SEMG2: variants seen among roughly 807,000 people sequenced by gnomAD.
The protein encoded by SEMG2 is semenogelin 2.
SEMG2 carries 3 observed loss-of-function variants against 8.1 expected under a neutral mutation model. The ratio of observed to expected loss-of-function variants is 0.37; its 90% CI spans 0.17 to 0.96. The LOEUF is 0.96. Ranked by LOEUF, SEMG2 falls within the 40% of genes least tolerant of loss-of-function variation. The probability of loss-of-function intolerance (pLI) is 0.41; values close to 1 mark genes in which losing one functional copy is unlikely to be tolerated. For synonymous variants in SEMG2, 252 were observed against 231.4 expected, an observed-to-expected ratio of 1.09 and a Z score of -0.81; for missense variants, 726 against 671.2, an observed-to-expected ratio of 1.08 and a Z score of -0.90.
At position 45,221,996 on chromosome 20, in the gene SEMG2, C is replaced by T; in HGVS notation, c.364C>T (p.His122Tyr). The T allele has an allele frequency of 3.1e-6, 5 of 1,614,068 alleles. No homozygotes were observed. The highest frequency in any genetic ancestry group is 4.2e-6 in the Non-Finnish European group (5 of 1,179,994). ...EGRDHDKSKG[H>Y]FHMIVIHHKG... ...CAGAGACCATGATAAATCAAAAGGT[C>T]ATTTTCACATGATAGTTATACATCA... Residue 122 changes from histidine (H) to tyrosine (Y), a missense_variant, in exon 2 of 3, where the codon CAT (histidine) becomes TAT (tyrosine). Transcript: ENST00000372769.
Position 45,221,451 on chromosome 20 carries a change from T to C in SEMG2, c.62T>C (p.Val21Ala). ...LLLILEKQAA[V>A]MGQKGGSKGQ... ...CTTATCTTGGAGAAGCAAGCAGCTG[T>C]GATGGGACAAAAAGGTGAGTGGAGA... is the stretch of plus-strand genomic sequence containing the variant. Residue 21 changes from valine to alanine, a missense_variant, in exon 1 of 3, where the codon GTG (valine) becomes GCG (alanine). By Grantham distance (64) the Val-to-Ala change is moderately conservative. Coordinates refer to ENST00000372769, the MANE Select transcript of SEMG2 (RefSeq NM_003008.3). The C allele has an allele frequency of 1.9e-6, 3 of 1,614,114 alleles. No individual in the cohort carries two copies. Among genetic ancestry groups the C allele is most frequent in the Non-Finnish European group, 2.5e-6 (3 of 1,179,990 alleles).
rs1984069723 is a variant in SEMG2 at position 45,223,278 on chromosome 20, A to G, written c.1646A>G (p.Glu549Gly). ...SHEQKGRYKQESSESHNIVIT... is the reference protein window; with the variant it reads ...SHEQKGRYKQGSSESHNIVIT... ...GAACAAAAAGGCAGATACAAACAGG[A>G]ATCCAGTGAGTCACATAATATTGTA... Residue 549 changes from glutamate (E) to glycine (G), a missense_variant, in exon 2 of 3, where the codon GAA becomes GGA. Glu to Gly is a moderately conservative substitution (Grantham distance 98). Coordinates refer to ENST00000372769, the MANE Select transcript of SEMG2 (RefSeq NM_003008.3). 4 of 1,614,056 alleles carry G rather than the reference A, an allele frequency of 2.5e-6. No individual in the cohort carries two copies. The South Asian group carries it at 4.4e-5, about 18-fold the overall frequency.
rs1480180773 is a variant in SEMG2, at chr20:45,222,418, A to G, written c.786A>G (p.Val262=). 7 of 1,614,014 alleles carry G rather than the reference A, an allele frequency of 4.3e-6. No individual in the cohort carries two copies. Among genetic ancestry groups the G allele is most frequent in the African/African-American group, 1.3e-5 (1 of 74,938 alleles). The change falls in exon 2 of 3, where the codon GTA becomes GTG. Residue 262 remains valine (V), a synonymous_variant. Transcript: ENST00000372769. Reference sequence around the variant, plus strand: ...TTACTACCCAAGATGAGCTCCTAGTATATAACAAGAATCAACACCAGACAA... The same window carrying G: ...TTACTACCCAAGATGAGCTCCTAGTGTATAACAAGAATCAACACCAGACAA... ...DIFTTQDELL[V]YNKNQHQTKN...
rs367805884 is a variant in SEMG2 at position 45,223,230 on chromosome 20, G to A, written c.1598G>A (p.Ser533Asn). ...AKGKSGQSAD[S>N]KQDLLSHEQK... The stretch of plus-strand genomic sequence containing the variant: ...GGAAAGTCTGGTCAATCTGCAGATA[G>A]CAAACAAGACCTACTCAGTCATGAA... The change falls in exon 2 of 3, where the codon AGC becomes AAC. Residue 533 changes from serine (S) to asparagine (N), a missense_variant. By Grantham distance (46) the Ser-to-Asn change is conservative. Transcript: ENST00000372769. The A allele has an allele frequency of 5.6e-6, 9 of 1,614,024 alleles. No homozygotes were observed. The Admixed American group carries it at 6.7e-5, about 12-fold the overall frequency.
chr20:45,223,416 C>G lies in SEMG2; in HGVS notation c.*35C>G. 2.0e-6 allele frequency: 3 copies of G among 1,480,152 alleles called. No homozygotes were observed. Among genetic ancestry groups the G allele is most frequent in the Non-Finnish European group, 2.8e-6 (3 of 1,077,546 alleles). 91.7% of individuals were successfully genotyped at this position (1,480,152 alleles called of 1,614,324 possible). A position where few individuals can be genotyped will look rare whatever the true frequency, so the allele number is the denominator to read the frequency against. ...TTAGCAACCACTTGAAAAGCTGGAC[C>G]AATAGCAAGGTAAGTTTGCTTTTCT... is the stretch of plus-strand genomic sequence containing the variant. On this transcript the variant is annotated 3_prime_UTR_variant, in exon 2 of 3. Transcript: ENST00000372769.
In SEMG2 at chr20:45,222,568, C is replaced by A. The variant is rs1432150164; in HGVS notation, c.936C>A (p.Gly312=). The change falls in exon 2 of 3, where the codon GGC becomes GGA. Residue 312 remains glycine, a synonymous_variant. Coordinates refer to ENST00000372769, the MANE Select transcript of SEMG2 (RefSeq NM_003008.3). Reference sequence around the variant, plus strand: ...GTGTACAGAAAGATGTATCCAAAGGCAGCATTTCTATCCAAACTGAAGAGA... The same window carrying A: ...GTGTACAGAAAGATGTATCCAAAGGAAGCATTTCTATCCAAACTGAAGAGA... ...EKSVQKDVSK[G]SISIQTEEKI... 2 of 1,614,048 alleles carry A rather than the reference C, an allele frequency of 1.2e-6. No homozygotes were observed. The highest frequency in any genetic ancestry group is 1.7e-6 in the Non-Finnish European group (2 of 1,180,034).
At chr20:45,224,261 C>T (rs1057199679) in intron 2 of SEMG2, 30 bp from the exon 3 acceptor site, 1 of 152,372 alleles carries the variant, frequency 6.6e-6, no homozygotes, top group African/African-American at 2.4e-5. Flanking sequence ...CCACTATCCT[C>T]ACATATCTGG....
rs544053891 is a variant in SEMG2, at chr20:45,222,652, C to G, written c.1020C>G (p.Gly340=). ...TTCATAGTCAAGATCAAGAGCATGG[C>G]CATAAGGAAAATAAAATATCATACC... is the stretch of plus-strand genomic sequence containing the variant. ...VTIHSQDQEH[G]HKENKISYQS... Residue 340 remains glycine, a synonymous_variant, in exon 2 of 3, where the codon GGC becomes GGG. Transcript: ENST00000372769. 1.5e-5 allele frequency: 25 copies of G among 1,613,504 alleles called. No individual in the cohort carries two copies. The highest frequency in any genetic ancestry group is 2.1e-5 in the Non-Finnish European group (25 of 1,179,840).
chr20:45,224,018 G>A (rs895539767), intron 2 of SEMG2, among the ~76,000 whole-genome samples: 1 of 152,304 alleles, frequency 6.6e-6, no homozygotes. Flanking sequence ...GAGATCTCAG[G>A]TGCTAACTGG....
chr20:45,222,015 T>C lies in SEMG2; in HGVS notation c.383T>C (p.Ile128Thr), dbSNP rs779966456. ...AAAGGTCATTTTCACATGATAGTTA[T>C]ACATCATAAAGGAGGCCAAGCTCAT... ...KSKGHFHMIV[I>T]HHKGGQAHHG... The change falls in exon 2 of 3, where the codon ATA (isoleucine) becomes ACA (threonine). Residue 128 changes from isoleucine to threonine, a missense_variant. Transcript: ENST00000372769. The C allele has an allele frequency of 2.5e-6, 4 of 1,614,150 alleles. No individual in the cohort carries two copies. The highest frequency in any genetic ancestry group is 3.3e-5 in the Admixed American group (2 of 60,032).
rs772703748 is a variant in SEMG2, at chr20:45,222,254, C to T, written c.622C>T (p.Arg208Cys). The change falls in exon 2 of 3, where the codon CGT (arginine) becomes TGT (cysteine). Residue 208 changes from arginine to cysteine, a missense_variant. Transcript: ENST00000372769. Reference protein sequence around the residue: ...TEELVVNKQQRETKNSHQNKG... With the variant: ...TEELVVNKQQCETKNSHQNKG... Reference sequence around the variant, plus strand: ...AGAACTAGTAGTTAACAAACAACAACGTGAGACTAAAAATTCTCATCAAAA... The same window carrying T: ...AGAACTAGTAGTTAACAAACAACAATGTGAGACTAAAAATTCTCATCAAAA... 46 of 1,613,936 alleles carry T rather than the reference C, an allele frequency of 2.9e-5. No homozygotes were observed. The highest frequency in any genetic ancestry group is 2.1e-4 in the South Asian group (19 of 91,068).
chr20:45,222,498 C>T lies in SEMG2; in HGVS notation c.866C>T (p.Pro289Leu), dbSNP rs745558621. 45 of 1,613,356 alleles carry T rather than the reference C, an allele frequency of 2.8e-5. No individual in the cohort carries two copies. The highest frequency in any genetic ancestry group is 3.5e-5 in the Non-Finnish European group (41 of 1,179,832). The change falls in exon 2 of 3, where the codon CCG becomes CTG. Residue 289 changes from proline to leucine, a missense_variant. By Grantham distance (98) the Pro-to-Leu change is moderately conservative. Coordinates refer to ENST00000372769, the MANE Select transcript of SEMG2 (RefSeq NM_003008.3). ...HGRKAHKISY[P>L]SSRTEERQLH... The stretch of plus-strand genomic sequence containing the variant: ...CGGAAGGCACATAAAATATCATACC[C>T]GTCTTCACGTACAGAAGAAAGACAA...
rs759525324 is a variant in SEMG2, at chr20:45,222,269, T to C, written c.637T>C (p.Ser213Pro). The C allele has an allele frequency of 6.2e-7, 1 of 1,613,864 alleles. No homozygotes were observed. The highest frequency in any genetic ancestry group is 2.2e-5 in the East Asian group (1 of 44,884). Reference protein sequence around the residue: ...VNKQQRETKNSHQNKGHYQNV... With the variant: ...VNKQQRETKNPHQNKGHYQNV... ...CAAACAACAACGTGAGACTAAAAAT[T>C]CTCATCAAAATAAAGGGCATTACCA... is the stretch of plus-strand genomic sequence containing the variant. The change falls in exon 2 of 3, where the codon TCT (serine) becomes CCT (proline). Residue 213 changes from serine to proline, a missense_variant. Ser to Pro is a moderately conservative substitution (Grantham distance 74). Transcript: ENST00000372769.
chr20:45,221,573 T>A (rs1282766441), intron 1 of SEMG2, 108 bp downstream of exon 1: 4 of 1,422,898 alleles, frequency 2.8e-6, no homozygotes, highest in Non-Finnish European at 3.9e-6. Flanking sequence ...TTCTCCTTGA[T>A]GAGAATTGAT....
In SEMG2 at chr20:45,223,319, G is replaced by A. The variant is rs758924051; in HGVS notation, c.1687G>A (p.Val563Ile). Residue 563 changes from valine to isoleucine, a missense_variant, in exon 2 of 3, where the codon GTT becomes ATT. Coordinates refer to ENST00000372769, the MANE Select transcript of SEMG2 (RefSeq NM_003008.3). Reference sequence around the variant, plus strand: ...TAATATTGTAATTACTGAGCATGAGGTTGCCCAAGATGATCATTTGACACA... The same window carrying A: ...TAATATTGTAATTACTGAGCATGAGATTGCCCAAGATGATCATTTGACACA... Reference protein sequence around the residue: ...SHNIVITEHEVAQDDHLTQQY... With the variant: ...SHNIVITEHEIAQDDHLTQQY... The A allele has an allele frequency of 6.2e-7, 1 of 1,614,052 alleles. No individual in the cohort carries two copies. Among genetic ancestry groups the A allele is most frequent in the Non-Finnish European group, 8.5e-7 (1 of 1,179,966 alleles).
rs1057083027 is a variant in SEMG2 at position 45,223,172 on chromosome 20, A to C, written c.1540A>C (p.Asn514His). 1 of 1,614,152 alleles carries C rather than the reference A, an allele frequency of 6.2e-7. No individual in the cohort carries two copies. Residue 514 changes from asparagine to histidine, a missense_variant, in exon 2 of 3, where the codon AAT (asparagine) becomes CAT (histidine). Physicochemically the swap from Asn to His is moderately conservative, Grantham distance 68 (BLOSUM62 1). Transcript: ENST00000372769. ...GTCTCAAATCCAGACACCAAATCCT[A>C]ATCAAGATCAATGGTCTGGCCAAAA... ...GKSQIQTPNP[N>H]QDQWSGQNAK...
Position 45,222,260 on chromosome 20 carries a change from A to T in SEMG2, c.628A>T (p.Thr210Ser), listed in dbSNP as rs1362709008. The T allele has an allele frequency of 2.5e-6, 4 of 1,613,998 alleles. No individual in the cohort carries two copies. The African/African-American group carries it at 5.3e-5, about 22-fold the overall frequency. Residue 210 changes from threonine (T) to serine (S), a missense_variant, in exon 2 of 3, where the codon ACT (threonine) becomes TCT (serine). Thr to Ser is a moderately conservative substitution (Grantham distance 58). Coordinates refer to ENST00000372769, the MANE Select transcript of SEMG2 (RefSeq NM_003008.3). ...ELVVNKQQRE[T>S]KNSHQNKGHY... ...AGTAGTTAACAAACAACAACGTGAG[A>T]CTAAAAATTCTCATCAAAATAAAGG...
In SEMG2 at chr20:45,222,322, T is replaced by C. The variant is rs1271602104; in HGVS notation, c.690T>C (p.His230=). The change falls in exon 2 of 3, where the codon CAT becomes CAC. Residue 230 remains histidine, a synonymous_variant. Transcript: ENST00000372769. ...ATGTGGTTGACGTGAGAGAGGAACA[T>C]TCAAGTAAACTACAAACTTCACTCC... ...YQNVVDVREE[H]SSKLQTSLHP... The C allele has an allele frequency of 5.0e-6, 8 of 1,613,954 alleles. No individual in the cohort carries two copies. Among genetic ancestry groups the C allele is most frequent in the South Asian group, 4.4e-5 (4 of 91,058 alleles).
At position 45,223,064 on chromosome 20, in the gene SEMG2, C is replaced by T. The variant is rs755209512; in HGVS notation, c.1432C>T (p.Leu478Phe). The T allele has an allele frequency of 1.7e-5, 28 of 1,614,074 alleles. No homozygotes were observed. The highest frequency in any genetic ancestry group is 2.3e-5 in the Non-Finnish European group (27 of 1,180,036). ...ATCTTCAAGTACAGAAGAAAGACGA[C>T]TCAACTATGGAGGAAAGAGCACGCA... ...YQSSSTEERRLNYGGKSTQKD... is the reference protein window; with the variant it reads ...YQSSSTEERRFNYGGKSTQKD... The change falls in exon 2 of 3, where the codon CTC (leucine) becomes TTC (phenylalanine). Residue 478 changes from leucine (L) to phenylalanine (F), a missense_variant. Leu to Phe is a conservative substitution (Grantham distance 22). Coordinates refer to ENST00000372769, the MANE Select transcript of SEMG2 (RefSeq NM_003008.3).
Sources: allele counts gnomAD v4.1 joint callset (sites outside exome capture counted in the v4.1 genomes callset), GRCh38; gene constraint gnomAD v4.1.1; transcripts MANE v1.5; gene names NCBI Gene and HGNC (gene_info 2026-07-23, HGNC 2026-07-21).